Variants in CCDC178 observed in about 807,000 individuals in gnomAD.
The protein encoded by CCDC178 is coiled-coil domain containing 178.
CCDC178 carries 126 observed loss-of-function variants against 117.4 expected under a neutral mutation model. That is an observed-to-expected ratio of 1.07 (90% CI 0.93 to 1.24). The LOEUF is 1.24. CCDC178 is among the 50% of genes most tolerant of loss of function. The pLI, the probability that CCDC178 is intolerant of heterozygous loss-of-function variation, is 0.00. For synonymous variants in CCDC178, 283 were observed against 313.4 expected, an observed-to-expected ratio of 0.90 and a Z score of 1.02; for missense variants, 1,030 against 986.9, an observed-to-expected ratio of 1.04 and a Z score of -0.59.
chr18:33,057,904 T>C (rs2056857861), intron 21 of CCDC178, among the ~76,000 whole-genome samples: 1 of 152,182 alleles, frequency 6.6e-6, no homozygotes, highest in Non-Finnish European at 1.5e-5. Context: ...CAAATAATTG[T>C]TTGTCAATAG....
chr18:33,077,215 A>G (rs1468862358), intron 21 of CCDC178, among the ~76,000 whole-genome samples: 2 of 152,210 alleles, frequency 1.3e-5, no homozygotes, highest in African/African-American at 4.8e-5. Context: ...AAATAATAAA[A>G]GAGGAGGAGA....
At chr18:33,147,536 C>T (rs547273828) in intron 20 of CCDC178, among the ~76,000 whole-genome samples, 1 of 151,404 alleles carries the variant, frequency 6.6e-6, no homozygotes, top group East Asian at 1.9e-4. Flanking sequence ...GTGTTTGTGT[C>T]CCTGGGTACT....
At chr18:33,315,492 T>G (rs2062402760) in intron 11 of CCDC178, among the ~76,000 whole-genome samples, 2 of 152,176 alleles carry the variant, frequency 1.3e-5, no homozygotes, top group Non-Finnish European at 2.9e-5. Flanking sequence ...CTACTTATCT[T>G]GATCTTCAGG....
At chr18:33,406,536 C>G (rs2063782935) in intron 3 of CCDC178, among the ~76,000 whole-genome samples, 1 of 151,738 alleles carries the variant, frequency 6.6e-6, no homozygotes, top group Non-Finnish European at 1.5e-5. Context: ...GAAAAATCTA[C>G]CAAAAGTAGG....
intron 20 of CCDC178, among the ~76,000 whole-genome samples, chr18:33,169,588 G>A (rs771847336): frequency 6.6e-6 from 1 of 152,094 alleles, no homozygotes; most frequent in Non-Finnish European, 1.5e-5. Context: ...ATAATACAGA[G>A]GGGTGGTTGA....
intron 9 of CCDC178, among the ~76,000 whole-genome samples, chr18:33,344,802 A>AGC (rs1426295970): frequency 1.2e-4 from 9 of 72,452 alleles, no homozygotes; most frequent in African/African-American, 5.2e-4. Flanking sequence ...TTGCCTCTAA[A>AGC]GCACACACAC....
chr18:33,040,811 C>T (rs779288707), intron 21 of CCDC178, among the ~76,000 whole-genome samples: 1 of 151,868 alleles, frequency 6.6e-6, no homozygotes, highest in Non-Finnish European at 1.5e-5. Context: ...ACATGGTAAG[C>T]CTTTCCTGAG....
At chr18:33,376,942 TTTA>T (rs772613854) in intron 5 of CCDC178, among the ~76,000 whole-genome samples, 21 of 152,322 alleles carry the variant, frequency 1.4e-4, no homozygotes, top group Non-Finnish European at 2.9e-4. Flanking sequence ...GGTAGAATGA[TTTA>T]TTTTCTTTTG....
At chr18:33,011,289 A>G (rs1364730622) in intron 21 of CCDC178, among the ~76,000 whole-genome samples, 1 of 152,182 alleles carries the variant, frequency 6.6e-6, no homozygotes, top group Non-Finnish European at 1.5e-5. Flanking sequence ...TCAAACATTC[A>G]GGCATGAGAA....
At chr18:33,367,626 A>C (rs1352769538) in intron 6 of CCDC178, among the ~76,000 whole-genome samples, 1 of 151,900 alleles carries the variant, frequency 6.6e-6, no homozygotes, top group Non-Finnish European at 1.5e-5. Flanking sequence ...TTCATCTTTC[A>C]AAAGGATAGC....
chr18:33,233,705 C>A (rs555127334), intron 15 of CCDC178, among the ~76,000 whole-genome samples: 1 of 151,938 alleles, frequency 6.6e-6, no homozygotes, highest in East Asian at 1.9e-4. Flanking sequence ...GTTTTATACA[C>A]AATATTATGT....
intron 20 of CCDC178, among the ~76,000 whole-genome samples, chr18:33,147,598 C>T (rs539238244): frequency 6.6e-6 from 1 of 151,838 alleles, no homozygotes; most frequent in East Asian, 1.9e-4. Context: ...CTTCAAGCAT[C>T]TGTTTAACAA....
At chr18:33,178,338 T>G (rs1159968785) in intron 20 of CCDC178, among the ~76,000 whole-genome samples, 1 of 152,166 alleles carries the variant, frequency 6.6e-6, no homozygotes, top group Non-Finnish European at 1.5e-5. Context: ...TCTCTCAAAA[T>G]GTTCCTTTCT....
In CCDC178 at chr18:33,132,480, G is replaced by T. The variant is rs536590850; in HGVS notation, c.2239-39570C>A. 7.3e-4 allele frequency among the ~76,000 whole-genome samples: 110 copies of T among 151,538 alleles called. 1 individual carries two copies. The highest frequency in any genetic ancestry group is 3.4e-3 in the Middle Eastern group (1 of 290). On this transcript the variant is annotated intron_variant, in intron 20 of 22. Coordinates refer to ENST00000383096, the MANE Select transcript of CCDC178 (RefSeq NM_001105528.4). The stretch of plus-strand genomic sequence containing the variant: ...ATCAAGTTTTTTCTTTAAAGACTGG[G>T]TTTCAAGTGTTTTATATAATAATAT...
intron 20 of CCDC178, among the ~76,000 whole-genome samples, chr18:33,142,009 C>T (rs142834565): frequency 1.3e-5 from 2 of 152,312 alleles, no homozygotes; most frequent in South Asian, 2.1e-4. Context: ...TGCTCACCTA[C>T]AGACACCTAT....
chr18:33,415,627 C>T (rs1240429967), intron 2 of CCDC178, among the ~76,000 whole-genome samples: 6 of 152,042 alleles, frequency 3.9e-5, no homozygotes, highest in Admixed American at 6.6e-5. Flanking sequence ...AGCACACCAA[C>T]ATGGCACATG....
chr18:33,391,217 T>C (rs1378671325), intron 4 of CCDC178, among the ~76,000 whole-genome samples: 1 of 151,686 alleles, frequency 6.6e-6, no homozygotes, highest in Non-Finnish European at 1.5e-5. Context: ...ATCTAGACCT[T>C]AAGCTCAACA....
chr18:33,143,910 G>T (rs2058240017), intron 20 of CCDC178, among the ~76,000 whole-genome samples: 1 of 151,974 alleles, frequency 6.6e-6, no homozygotes, highest in Admixed American at 6.6e-5. Context: ...TAGTAGAAAG[G>T]ATATCTACTT....
intron 22 of CCDC178, among the ~76,000 whole-genome samples, chr18:32,969,465 C>G (rs1312283208): frequency 1.3e-5 from 2 of 152,000 alleles, no homozygotes; most frequent in Non-Finnish European, 2.9e-5. Context: ...GACCCTAAAC[C>G]CACTTTCCAA....
Sources: gnomAD v4.1 joint callset for allele counts (sites outside exome capture counted in the v4.1 genomes callset) on GRCh38, gnomAD v4.1.1 for gene constraint, MANE v1.5 for transcripts, NCBI Gene and HGNC (gene_info 2026-07-23, HGNC 2026-07-21) for gene names.